CANX: variants seen among roughly 807,000 people sequenced by gnomAD.
CANX encodes epididymis secretory sperm binding protein.
In CANX, 14 loss-of-function variants were observed where a neutral mutation model predicts 75.7. That is an observed-to-expected ratio of 0.19 (90% CI 0.12 to 0.29). The LOEUF is 0.29. Among genes scored for constraint, CANX ranks in the 10% least tolerant of loss-of-function variants. CANX has a pLI of 1.00. For missense variants in CANX, 567 were observed against 713.2 expected, an observed-to-expected ratio of 0.79 and a Z score of 2.34; for synonymous variants, 227 against 236.9, an observed-to-expected ratio of 0.96 and a Z score of 0.38.
chr5:179,684,267 G>C (rs1000555317), intron 1 of CANX, among the ~76,000 whole-genome samples: 6 of 152,012 alleles, frequency 3.9e-5, no homozygotes, highest in Non-Finnish European at 7.4e-5. Flanking sequence ...TGGCGTTTTT[G>C]AGACGGGGTC....
At chr5:179,718,518 T>C (rs1778112012) in intron 8 of CANX, among the ~76,000 whole-genome samples, 1 of 151,426 alleles carries the variant, frequency 6.6e-6, no homozygotes, top group Non-Finnish European at 1.5e-5. Flanking sequence ...CCACCGTGCC[T>C]GGCTGTGCAT....
At chr5:179,717,670 T>C (rs1312556186) in intron 8 of CANX, among the ~76,000 whole-genome samples, 1 of 152,186 alleles carries the variant, frequency 6.6e-6, no homozygotes, top group Non-Finnish European at 1.5e-5. Flanking sequence ...ATAATGCTGC[T>C]ATGAATGTTC....
chr5:179,696,064 C>T (rs1239289242), upstream of CANX, among the ~76,000 whole-genome samples: 1 of 151,878 alleles, frequency 6.6e-6, no homozygotes, highest in Non-Finnish European at 1.5e-5. Context: ...AGACTACAGG[C>T]TCAAGCCACT....
At chr5:179,678,739 A>T in exon 1 of CANX, 1 of 1,537,040 alleles carries the variant, frequency 6.5e-7, no homozygotes, top group Non-Finnish European at 8.7e-7. Context: ...CCATGGTCTC[A>T]GTCAGCATGT....
chr5:179,689,636 C>T (rs946732852), intron 1 of CANX, among the ~76,000 whole-genome samples: 6 of 152,026 alleles, frequency 3.9e-5, no homozygotes, highest in Non-Finnish European at 8.8e-5. Flanking sequence ...CTGATCCGCC[C>T]GCCTCGGCCT....
chr5:179,705,656 C>T, intron 1 of CANX, 23 bp from the exon 2 acceptor site: 1 of 1,586,924 alleles, frequency 6.3e-7, no homozygotes, highest in South Asian at 1.1e-5. Flanking sequence ...ATACATTTAA[C>T]TGATTTTGCT....
chr5:179,722,919 T>C lies in CANX; in HGVS notation c.1298T>C (p.Ile433Thr). The change falls in exon 11 of 15, where the codon ATT becomes ACT. Residue 433 changes from isoleucine (I) to threonine (T), a missense_variant. Physicochemically the swap from Ile to Thr is moderately conservative, Grantham distance 89. Coordinates refer to ENST00000247461, the MANE Select transcript of CANX (RefSeq NM_001746.4). ...GAGCTGTGGTCCATGACCTCTGACA[T>C]TTTTTTTGACAACTTTATCATTTGT... ...GLELWSMTSD[I>T]FFDNFIICAD... The C allele has an allele frequency of 6.2e-7, 1 of 1,600,854 alleles. No individual in the cohort carries two copies. The highest frequency in any genetic ancestry group is 8.6e-7 in the Non-Finnish European group (1 of 1,168,382).
intron 1 of CANX, among the ~76,000 whole-genome samples, chr5:179,687,889 G>C (rs922861735): frequency 6.6e-6 from 1 of 151,548 alleles, no homozygotes; most frequent in African/African-American, 2.4e-5. Context: ...CAAAAAATTA[G>C]CTGGGTGTGG....
At chr5:179,720,808 G>T (rs911606997) in intron 10 of CANX, among the ~76,000 whole-genome samples, 5 of 151,810 alleles carry the variant, frequency 3.3e-5, no homozygotes, top group Non-Finnish European at 7.4e-5. Context: ...TTTTGAGATG[G>T]AGTTTCGCTC....
intron 14 of CANX, among the ~76,000 whole-genome samples, chr5:179,727,836 G>C (rs1052233507): frequency 2.0e-5 from 3 of 152,102 alleles, no homozygotes; most frequent in African/African-American, 7.2e-5. Flanking sequence ...GTGGTAGATT[G>C]GATATATAGA....
chr5:179,683,211 C>T (rs994186717), intron 1 of CANX, among the ~76,000 whole-genome samples: 4 of 152,200 alleles, frequency 2.6e-5, no homozygotes, highest in African/African-American at 7.2e-5. Context: ...TCACTGCGAC[C>T]TCCACTTCGA....
intron 10 of CANX, among the ~76,000 whole-genome samples, chr5:179,722,382 C>G (rs573824779): frequency 9.8e-5 from 15 of 152,318 alleles, no homozygotes; most frequent in Admixed American, 8.5e-4. Context: ...TTGTACATGT[C>G]TGGGTGTATG....
At chr5:179,698,729 G>A, upstream of CANX, 2 of 716,160 alleles carry the variant, frequency 2.8e-6, no homozygotes, top group Non-Finnish European at 4.2e-6. Flanking sequence ...AGCGTGGCCC[G>A]CCCCTCACCT....
chr5:179,688,729 C>T (rs1423985375), intron 1 of CANX, among the ~76,000 whole-genome samples: 3 of 150,796 alleles, frequency 2.0e-5, no homozygotes, highest in African/African-American at 7.3e-5. Context: ...GCCTGTAATC[C>T]CAGCACTTTG....
chr5:179,699,242 C>A, intron 1 of CANX, 140 bp downstream of exon 1: 1 of 429,780 alleles, frequency 2.3e-6, no homozygotes, highest in Non-Finnish European at 3.1e-6. Context: ...CTGGCCGACG[C>A]GCCCGCCGTG....
chr5:179,693,967 A>G (rs1414362503), upstream of CANX, among the ~76,000 whole-genome samples: 1 of 152,020 alleles, frequency 6.6e-6, no homozygotes, highest in Non-Finnish European at 1.5e-5. Flanking sequence ...AGAAATGACC[A>G]TTACCAGCCT....
intron 1 of CANX, among the ~76,000 whole-genome samples, chr5:179,683,376 G>T (rs975578572): frequency 1.8e-4 from 27 of 151,510 alleles, no homozygotes; most frequent in African/African-American, 6.5e-4. Flanking sequence ...CTTGTGATCC[G>T]CCCACCTCAG....
At position 179,720,515 on chromosome 5, in the gene CANX, T is replaced by C; in HGVS notation, c.1137T>C (p.Tyr379=). ...WQRPVIDNPN[Y]KGKWKPPMID... ...GACCTGTGATTGACAACCCCAATTA[T>C]AAAGGCAAATGGAAGCCTCCTATGA... The change falls in exon 10 of 15, where the codon TAT becomes TAC. Residue 379 remains tyrosine, a synonymous_variant. Coordinates refer to ENST00000247461, the MANE Select transcript of CANX (RefSeq NM_001746.4). 1 of 1,614,150 alleles carries C rather than the reference T, an allele frequency of 6.2e-7. No homozygotes were observed. Among genetic ancestry groups the C allele is most frequent in the Non-Finnish European group, 8.5e-7 (1 of 1,179,968 alleles).
At chr5:179,711,685 A>T (rs1215173596) in intron 7 of CANX, among the ~76,000 whole-genome samples, 2 of 150,398 alleles carry the variant, frequency 1.3e-5, no homozygotes, top group Non-Finnish European at 2.9e-5. Flanking sequence ...GCTACTCAGG[A>T]GGCTGAGGCA....
Sources: gnomAD v4.1 joint callset for allele counts (sites outside exome capture counted in the v4.1 genomes callset) on GRCh38, gnomAD v4.1.1 for gene constraint, MANE v1.5 for transcripts, NCBI Gene and HGNC (gene_info 2026-07-23, HGNC 2026-07-21) for gene names.